Variants in DSCAML1 observed in about 807,000 individuals in gnomAD.
The protein encoded by DSCAML1 is cell adhesion molecule DSCAML1.
A neutral mutation model predicts 200.5 loss-of-function variants in DSCAML1; 38 were observed. The ratio of observed to expected loss-of-function variants is 0.19; its 90% CI spans 0.15 to 0.25. The LOEUF is 0.25. Ranked by LOEUF, DSCAML1 falls within the 10% of genes least tolerant of loss-of-function variation. The pLI is 1.00. For missense variants in DSCAML1, 2,223 were observed against 2,858.8 expected (o/e 0.78, Z 5.07); for synonymous variants, 1,215 against 1,165.0 (o/e 1.04, Z -0.87).
intron 3 of DSCAML1, among the ~76,000 whole-genome samples, chr11:117,624,590 G>A (rs77314777): frequency 0.016 from 2,377 of 152,022 alleles, 31 homozygotes; most frequent in East Asian, 0.058. Flanking sequence ...ACTCACATGC[G>A]CACTCGTGGC....
intron 2 of DSCAML1, among the ~76,000 whole-genome samples, chr11:117,778,953 A>G (rs2055182370): frequency 6.6e-6 from 1 of 152,174 alleles, no homozygotes; most frequent in African/African-American, 2.4e-5. Flanking sequence ...CTAGCCCCAA[A>G]CCAACCAATG....
chr11:117,443,709 CAG>C (rs2048116800), intron 21 of DSCAML1, among the ~76,000 whole-genome samples, 175 bp downstream of exon 21: 1 of 152,226 alleles, frequency 6.6e-6, no homozygotes, highest in East Asian at 1.9e-4. Flanking sequence ...TTGCTGGAGT[CAG>C]GGGGCAGCAG....
chr11:117,507,692 A>G (rs545388305), intron 8 of DSCAML1, among the ~76,000 whole-genome samples: 11 of 152,268 alleles, frequency 7.2e-5, no homozygotes, highest in Admixed American at 7.2e-4. Context: ...TGCCCGAGTG[A>G]ACACCACTGG....
At chr11:117,588,240 T>C (rs912633399) in intron 3 of DSCAML1, among the ~76,000 whole-genome samples, 10 of 152,184 alleles carry the variant, frequency 6.6e-5, no homozygotes, top group African/African-American at 2.4e-4. Flanking sequence ...CCACCCTAGC[T>C]CGGGGGTCGG....
intron 21 of DSCAML1, among the ~76,000 whole-genome samples, chr11:117,442,132 T>C (rs1184054404): frequency 6.6e-6 from 1 of 152,114 alleles, no homozygotes; most frequent in Non-Finnish European, 1.5e-5. Context: ...TGTGCACGTG[T>C]ATGCATGTGT....
At chr11:117,531,931 AGGAGGGAGGAGGGAGGGAG>A (rs1319302353) in intron 4 of DSCAML1, among the ~76,000 whole-genome samples, 2 of 60,988 alleles carry the variant, frequency 3.3e-5, no homozygotes, top group African/African-American at 1.6e-4. Context: ...AAGGGAAGGG[AGGAGGGAGGAGGGAGGGAG>A]GGAGGGAGGG....
At chr11:117,519,352 G>A (rs752043373) in intron 6 of DSCAML1, among the ~76,000 whole-genome samples, 6 of 152,182 alleles carry the variant, frequency 3.9e-5, no homozygotes, top group South Asian at 4.1e-4. Context: ...GCACAGAGGC[G>A]GTGGCAGTGA....
In DSCAML1 at chr11:117,438,965, C is replaced by T. The variant is rs754281658; in HGVS notation, c.4163G>A (p.Arg1388His). The change falls in exon 24 of 33, where the codon CGC (arginine) becomes CAC (histidine). Residue 1388 changes from arginine (R) to histidine (H), a missense_variant. By Grantham distance (29) the Arg-to-His change is conservative. Around this residue, in one of 7 missense-constraint regions of DSCAML1, gnomAD observed 614 missense variants for 739.1 expected, o/e 0.83. Coordinates refer to ENST00000651296, the MANE Select transcript of DSCAML1 (RefSeq NM_020693.4). ...AGCTGAGGTTTTGGAGACAGTGAGG[C>T]GGGGCTGGTCCGGGGGAACTGTGAG... Reference protein sequence around the residue: ...LLVQVPPDQPRLTVSKTSASS... With the variant: ...LLVQVPPDQPHLTVSKTSASS... 1.1e-5 allele frequency: 17 copies of T among 1,606,068 alleles called. No individual in the cohort carries two copies. Among genetic ancestry groups the T allele is most frequent in the East Asian group, 4.5e-5 (2 of 44,654 alleles).
chr11:117,516,226 G>T lies in DSCAML1; in HGVS notation c.1783+241C>A, dbSNP rs886344659. On this transcript the variant is annotated intron_variant, in intron 8 of 32. Transcript: ENST00000651296. This position sits in a 1 kb window ranked among gnomAD's most constrained non-coding sequence, Gnocchi z 5.7. ...TAACTCACCCTCTCATGCACCTGGG[G>T]TGTGTGCTGTCTTATTCTGCAGCCC... Among the ~76,000 whole-genome samples, 2 of 152,194 alleles carry T rather than the reference G, an allele frequency of 1.3e-5. No homozygotes were observed. The highest frequency in any genetic ancestry group is 2.9e-5 in the Non-Finnish European group (2 of 68,030).
At chr11:117,624,466 T>C (rs2052001767) in intron 3 of DSCAML1, among the ~76,000 whole-genome samples, 1 of 152,128 alleles carries the variant, frequency 6.6e-6, no homozygotes, top group Admixed American at 6.5e-5. Flanking sequence ...GGAAAGTCAG[T>C]GCATTACAAG....
intron 4 of DSCAML1, among the ~76,000 whole-genome samples, 195 bp from the exon 5 acceptor site, chr11:117,525,278 C>G (rs948157630): frequency 5.3e-5 from 8 of 152,126 alleles, no homozygotes; most frequent in African/African-American, 1.7e-4. Context: ...GACCAAGCCC[C>G]AGACAACTTT....
intron 3 of DSCAML1, among the ~76,000 whole-genome samples, chr11:117,772,145 G>A (rs546265852): frequency 7.9e-5 from 12 of 152,136 alleles, no homozygotes; most frequent in Admixed American, 1.3e-4. Context: ...AGAGAGGAGG[G>A]GGCCACTGTA....
In DSCAML1 at chr11:117,683,492, G is replaced by A. The variant is rs187155136; in HGVS notation, c.511+93299C>T. Among the ~76,000 whole-genome samples, 295 of 152,324 alleles carry A rather than the reference G, an allele frequency of 1.9e-3. 1 individual carries two copies. The highest frequency in any genetic ancestry group is 8.4e-3 in the Admixed American group (128 of 15,304). On this transcript the variant is annotated intron_variant, in intron 3 of 32. Coordinates refer to ENST00000651296, the MANE Select transcript of DSCAML1 (RefSeq NM_020693.4). ...CACTTCAAAGTTTGCAAAGCTCAAC[G>A]ACATGCAGCTCCATATTCGAGTCTC...
At chr11:117,815,658 G>C (rs2055799112) in intron 1 of DSCAML1, among the ~76,000 whole-genome samples, 1 of 152,032 alleles carries the variant, frequency 6.6e-6, no homozygotes, top group Non-Finnish European at 1.5e-5. Context: ...AGGAACTTCG[G>C]GGTGTCACTC....
chr11:117,480,301 G>A lies in DSCAML1; in HGVS notation c.2785+142C>T, dbSNP rs1375582499. 12 of 1,295,450 alleles carry A rather than the reference G, an allele frequency of 9.3e-6. No homozygotes were observed. The highest frequency in any genetic ancestry group is 2.2e-5 in the Admixed American group (1 of 44,488). 80.2% of individuals were successfully genotyped at this position (1,295,450 alleles called of 1,614,324 possible). ...CTCCCTTCAGAAGCCACAGCTGCTT[G>A]TGCACTGGTGGGTGCTTGTGTGTCT... On this transcript the variant is annotated intron_variant, in intron 14 of 32. Coordinates refer to ENST00000651296, the MANE Select transcript of DSCAML1 (RefSeq NM_020693.4). This position sits in a 1 kb window ranked among gnomAD's most constrained non-coding sequence, Gnocchi z 4.1.
intron 3 of DSCAML1, among the ~76,000 whole-genome samples, chr11:117,743,141 G>A (rs1230929593): frequency 3.9e-5 from 6 of 152,258 alleles, no homozygotes; most frequent in African/African-American, 7.2e-5. Context: ...TCTTGCCCTC[G>A]AGGCACTTCT....
chr11:117,765,851 C>T (rs1172583348), intron 3 of DSCAML1, among the ~76,000 whole-genome samples: 1 of 152,118 alleles, frequency 6.6e-6, no homozygotes, highest in Non-Finnish European at 1.5e-5. Flanking sequence ...CCTCTGAGGC[C>T]AGAGCCCACA....
intron 3 of DSCAML1, among the ~76,000 whole-genome samples, chr11:117,754,737 G>A (rs1455482069): frequency 6.6e-6 from 1 of 152,150 alleles, no homozygotes; most frequent in African/African-American, 2.4e-5. Context: ...GAAGGGGCTG[G>A]AGGGAAGTTG....
intron 3 of DSCAML1, among the ~76,000 whole-genome samples, chr11:117,649,142 T>C (rs958441396): frequency 2.0e-5 from 3 of 151,594 alleles, no homozygotes; most frequent in African/African-American, 7.3e-5. Context: ...AATGGCATGA[T>C]CTCGGCTCAC....
Sources: allele counts gnomAD v4.1 joint callset (sites outside exome capture counted in the v4.1 genomes callset), GRCh38; gene constraint gnomAD v4.1.1; regional missense constraint gnomAD v4.1.1; non-coding constraint Gnocchi (gnomAD v3.1); transcripts MANE v1.5; gene names NCBI Gene and HGNC (gene_info 2026-07-23, HGNC 2026-07-21).